Variants in ATRNL1 observed in about 807,000 individuals in gnomAD.
The protein encoded by ATRNL1 is attractin like 1, also known as attractin-like protein 1.
Under a neutral mutation model 182.7 loss-of-function variants are expected in ATRNL1, and 95 were observed. The observed-to-expected ratio is 0.52, with a 90% CI of 0.44 to 0.62. The LOEUF (loss-of-function observed/expected upper bound fraction) is 0.62, where lower values mean the gene tolerates loss of function less well. Among genes scored for constraint, ATRNL1 ranks in the 20% least tolerant of loss-of-function variants. ATRNL1 has a pLI of 0.00. For missense variants in ATRNL1, 1,471 were observed against 1,679.5 expected, an observed-to-expected ratio of 0.88 and a Z score of 2.17; for synonymous variants, 576 against 568.3, an observed-to-expected ratio of 1.01 and a Z score of -0.19.
chr10:115,260,780 C>T (rs1399444147), intron 10 of ATRNL1, among the ~76,000 whole-genome samples: 3 of 151,762 alleles, frequency 2.0e-5, no homozygotes, highest in African/African-American at 7.3e-5. Flanking sequence ...GAAAACAAAT[C>T]AATGATTTGA....
At chr10:115,231,388 T>C (rs1849945653) in intron 9 of ATRNL1, among the ~76,000 whole-genome samples, 1 of 152,056 alleles carries the variant, frequency 6.6e-6, no homozygotes, top group Admixed American at 6.6e-5. Flanking sequence ...CAGTGGGTGG[T>C]GAAGTCTTGA....
rs1388313179 is a variant in ATRNL1, at chr10:115,790,274, CTT to C, written c.3904-57602_3904-57601del. Among the ~76,000 whole-genome samples, 392 of 149,750 alleles carry C rather than the reference CTT, an allele frequency of 2.6e-3. 1 individual carries two copies. Among genetic ancestry groups the C allele is most frequent in the African/African-American group, 9.2e-3 (375 of 40,732 alleles). ...TTAAAAAGAAAAAAAAAAAAAAACT[CTT>C]ATTATTTGAAAGAGCCTTCTTTCCT... On this transcript the variant is annotated intron_variant, in intron 27 of 28. Coordinates refer to ENST00000355044, the MANE Select transcript of ATRNL1 (RefSeq NM_207303.4).
intron 20 of ATRNL1, among the ~76,000 whole-genome samples, chr10:115,399,412 G>A (rs543450607): frequency 2.0e-4 from 31 of 152,050 alleles, no homozygotes; most frequent in African/African-American, 3.9e-4. Flanking sequence ...GGGTTTATGC[G>A]TCCAGAAATT....
chr10:115,785,088 A>G (rs1949363022), intron 27 of ATRNL1, among the ~76,000 whole-genome samples: 1 of 152,258 alleles, frequency 6.6e-6, no homozygotes. Flanking sequence ...AACCAGGTAT[A>G]GGTAAGACTG....
At chr10:115,185,048 A>G (rs1847890579) in intron 8 of ATRNL1, among the ~76,000 whole-genome samples, 1 of 152,010 alleles carries the variant, frequency 6.6e-6, no homozygotes, top group South Asian at 2.1e-4. Flanking sequence ...CGAGAACTGC[A>G]GCTATGAAAT....
At chr10:115,753,009 A>C (rs1356792814) in intron 27 of ATRNL1, among the ~76,000 whole-genome samples, 1 of 152,110 alleles carries the variant, frequency 6.6e-6, no homozygotes, top group Non-Finnish European at 1.5e-5. Context: ...TAATAGTGGC[A>C]TGACACTAGG....
chr10:115,563,750 G>A (rs1279367583), intron 26 of ATRNL1, among the ~76,000 whole-genome samples: 2 of 151,966 alleles, frequency 1.3e-5, no homozygotes, highest in African/African-American at 4.8e-5. Flanking sequence ...TGCAATAATA[G>A]CATCCTGAAT....
chr10:115,617,559 CATGTTGGCCAAGATGGTTGTG>C (rs1425726586), intron 26 of ATRNL1, among the ~76,000 whole-genome samples: 1 of 151,990 alleles, frequency 6.6e-6, no homozygotes, highest in Non-Finnish European at 1.5e-5. Flanking sequence ...GGGGTTTCAC[CATGTTGGCCAAGATGGTTGTG>C]ATTTCCTCAT....
In ATRNL1 at chr10:115,519,311, G is replaced by A; in HGVS notation, c.3703G>A (p.Val1235Ile). The change falls in exon 25 of 29, where the codon GTC (valine) becomes ATC (isoleucine). Residue 1235 changes from valine (V) to isoleucine (I), a missense_variant. By Grantham distance (29) the Val-to-Ile change is conservative (BLOSUM62 3). Around this residue, in one of 3 missense-constraint regions of ATRNL1, gnomAD observed 437 missense variants for 506.0 expected, o/e 0.86. Coordinates refer to ENST00000355044, the MANE Select transcript of ATRNL1 (RefSeq NM_207303.4). ...NTIMDLVQFF[V>I]TFFSCFLSLL... ...AATCATGGACCTTGTGCAGTTTTTT[G>A]TCACCTTCTTCAGGTAAAAGTTTGC... 6.2e-7 allele frequency: 1 copy of A among 1,609,760 alleles called. No individual in the cohort carries two copies. Among genetic ancestry groups the A allele is most frequent in the Non-Finnish European group, 8.5e-7 (1 of 1,178,196 alleles).
intron 18 of ATRNL1, among the ~76,000 whole-genome samples, chr10:115,317,606 T>A (rs543519360): frequency 1.3e-5 from 2 of 152,200 alleles, no homozygotes; most frequent in Non-Finnish European, 2.9e-5. Context: ...GAAGAGGTCC[T>A]TCACATCCCT....
intron 28 of ATRNL1, among the ~76,000 whole-genome samples, chr10:115,873,898 G>T (rs1555106648): frequency 6.6e-6 from 1 of 152,146 alleles, no homozygotes; most frequent in African/African-American, 2.4e-5. Context: ...TTCAATAATT[G>T]CATCGATCAG....
chr10:115,731,316 G>T (rs1311401401), intron 27 of ATRNL1, among the ~76,000 whole-genome samples: 1 of 152,156 alleles, frequency 6.6e-6, no homozygotes, highest in African/African-American at 2.4e-5. Context: ...TTATCTCCAT[G>T]TTTAAAATCA....
intron 6 of ATRNL1, among the ~76,000 whole-genome samples, chr10:115,164,681 G>A (rs528812084): frequency 2.0e-4 from 30 of 152,152 alleles, no homozygotes; most frequent in African/African-American, 7.2e-4. Flanking sequence ...GCAGCAATAT[G>A]GATGGAACAG....
chr10:115,835,465 G>C (rs754110066), intron 27 of ATRNL1, among the ~76,000 whole-genome samples: 1 of 152,102 alleles, frequency 6.6e-6, no homozygotes, highest in Non-Finnish European at 1.5e-5. Context: ...TGCCAGCCAA[G>C]GTAGGAAAAT....
intron 26 of ATRNL1, among the ~76,000 whole-genome samples, chr10:115,626,183 T>TA (rs1565225069): frequency 6.6e-6 from 1 of 152,184 alleles, no homozygotes; most frequent in Non-Finnish European, 1.5e-5. Context: ...TTGTTAAAAA[T>TA]AAAGAGAACT....
At chr10:115,232,649 A>G (rs1322973480) in intron 9 of ATRNL1, among the ~76,000 whole-genome samples, 1 of 151,974 alleles carries the variant, frequency 6.6e-6, no homozygotes, top group Non-Finnish European at 1.5e-5. Context: ...ATTGCCTTCC[A>G]CACATTTAGT....
chr10:115,366,419 C>T (rs1169238604), intron 19 of ATRNL1, among the ~76,000 whole-genome samples: 3 of 152,140 alleles, frequency 2.0e-5, no homozygotes, highest in Admixed American at 1.3e-4. Context: ...TGTCTCTACA[C>T]GTGAGATGGG....
chr10:115,265,721 C>T (rs1851582059), intron 11 of ATRNL1, among the ~76,000 whole-genome samples: 1 of 151,740 alleles, frequency 6.6e-6, no homozygotes, highest in African/African-American at 2.4e-5. Flanking sequence ...CTCTTAACCT[C>T]TCTGGACCTT....
At chr10:115,932,146 C>T (rs1953415980) in intron 28 of ATRNL1, among the ~76,000 whole-genome samples, 1 of 152,056 alleles carries the variant, frequency 6.6e-6, no homozygotes, top group South Asian at 2.1e-4. Flanking sequence ...TCAAAAGGGC[C>T]AGCATTTATG....
Sources: allele counts gnomAD v4.1 joint callset (sites outside exome capture counted in the v4.1 genomes callset), GRCh38; gene constraint gnomAD v4.1.1; regional missense constraint gnomAD v4.1.1; transcripts MANE v1.5; gene names NCBI Gene and HGNC (gene_info 2026-07-23, HGNC 2026-07-21).